STAC: variants seen among roughly 807,000 people sequenced by gnomAD.
STAC encodes the protein SH3 and cysteine rich domain.
In STAC, 43 loss-of-function variants were observed where a neutral mutation model predicts 48.8. That is an observed-to-expected ratio of 0.88 (90% CI 0.69 to 1.14). The LOEUF is 1.14. STAC is among the 50% of genes most tolerant of loss of function. STAC has a pLI of 0.00. For synonymous variants in STAC, 193 were observed against 179.5 expected, an observed-to-expected ratio of 1.07 and a Z score of -0.60; for missense variants, 497 against 504.0, an observed-to-expected ratio of 0.99 and a Z score of 0.13.
chr3:36,493,360 T>A (rs1698046358), intron 6 of STAC, 131 bp downstream of exon 6: 2 of 764,330 alleles, frequency 2.6e-6, no homozygotes, highest in East Asian at 5.6e-5. Context: ...TGTTCAATGT[T>A]CTGGAGAGAA....
chr3:36,511,507 T>C (rs1698537268), intron 8 of STAC, among the ~76,000 whole-genome samples: 1 of 152,208 alleles, frequency 6.6e-6, no homozygotes, highest in Admixed American at 6.5e-5. Flanking sequence ...AAAAGGCTAC[T>C]TTTCCAGTCA....
intron 8 of STAC, among the ~76,000 whole-genome samples, chr3:36,522,729 T>A (rs183416697): frequency 6.6e-6 from 1 of 152,302 alleles, no homozygotes; most frequent in East Asian, 1.9e-4. Context: ...TCTCAGGTTG[T>A]CTCAGATAGT....
chr3:36,477,065 A>G (rs1697511845), intron 2 of STAC, among the ~76,000 whole-genome samples: 1 of 152,232 alleles, frequency 6.6e-6, no homozygotes, highest in Non-Finnish European at 1.5e-5. Flanking sequence ...ATATTTATGG[A>G]CATTTCTATA....
chr3:36,415,431 A>G (rs1320982320), intron 1 of STAC, among the ~76,000 whole-genome samples: 1 of 152,172 alleles, frequency 6.6e-6, no homozygotes, highest in East Asian at 1.9e-4. Flanking sequence ...TGTGCTAGCA[A>G]TGAGCAAGGC....
chr3:36,461,654 AGG>A (rs1697020378), intron 2 of STAC, among the ~76,000 whole-genome samples: 1 of 152,160 alleles, frequency 6.6e-6, no homozygotes, highest in African/African-American at 2.4e-5. Flanking sequence ...GTATCACATG[AGG>A]TGGTCAGAAT....
chr3:36,504,519 C>G, intron 7 of STAC, 62 bp downstream of exon 7: 1 of 1,449,446 alleles, frequency 6.9e-7, no homozygotes, highest in Non-Finnish European at 9.7e-7. Flanking sequence ...CTGCAGGTCA[C>G]CATCCAAGTG....
At chr3:36,393,724 A>T (rs187886399) in intron 1 of STAC, among the ~76,000 whole-genome samples, 134 of 148,834 alleles carry the variant, frequency 9.0e-4, no homozygotes, top group Middle Eastern at 3.4e-3. Context: ...GCCATCCATG[A>T]ACCAGGAGGA....
intron 1 of STAC, among the ~76,000 whole-genome samples, chr3:36,401,116 A>C (rs1699991466): frequency 6.6e-6 from 1 of 152,196 alleles, no homozygotes; most frequent in South Asian, 2.1e-4. Flanking sequence ...CTCAGGAGTC[A>C]AGCCTCTAAA....
At chr3:36,452,720 G>A (rs981173205) in intron 2 of STAC, among the ~76,000 whole-genome samples, 1 of 152,202 alleles carries the variant, frequency 6.6e-6, no homozygotes, top group Non-Finnish European at 1.5e-5. Context: ...ACTGTGTGAG[G>A]GGCCCTATAC....
At chr3:36,483,114 G>A (rs1382853174) in intron 3 of STAC, 22 bp downstream of exon 3, 1 of 1,573,878 alleles carries the variant, frequency 6.4e-7, no homozygotes, top group Non-Finnish European at 8.7e-7. Context: ...TGCCAGGAGT[G>A]AGGCCCACAC....
At chr3:36,425,470 A>G (rs1700541681) in intron 1 of STAC, among the ~76,000 whole-genome samples, 1 of 152,214 alleles carries the variant, frequency 6.6e-6, no homozygotes, top group Non-Finnish European at 1.5e-5. Flanking sequence ...AGAAAGAACA[A>G]TTCATTGCAA....
In STAC at chr3:36,483,020, C is replaced by A. The variant is rs770707992; in HGVS notation, c.417C>A (p.Cys139Ter). Residue 139 changes from cysteine (C) to a stop codon, truncating the protein, a stop_gained, in exon 3 of 11, where the codon TGC becomes TGA. Transcript: ENST00000273183. LOFTEE classifies it high-confidence loss of function. ...CAAATGCTAAGCATGGACTGCGCTG[C>A]AAAGCCTGTAAGATGAGCATCCACC... ...VGTNAKHGLR[C>*]KACKMSIHHK... is the part of the protein sequence containing the mutation. 7 of 1,614,052 alleles carry A rather than the reference C, an allele frequency of 4.3e-6. No homozygotes were observed. In the South Asian group the frequency reaches 5.5e-5, roughly 13 times the overall value.
intron 1 of STAC, among the ~76,000 whole-genome samples, chr3:36,408,633 A>G (rs1321889437): frequency 6.6e-6 from 1 of 152,228 alleles, no homozygotes; most frequent in African/African-American, 2.4e-5. Flanking sequence ...ATTAGAACAC[A>G]TACAAGAGAA....
chr3:36,423,234 C>A (rs1700487109), intron 1 of STAC, among the ~76,000 whole-genome samples: 1 of 151,950 alleles, frequency 6.6e-6, no homozygotes, highest in Non-Finnish European at 1.5e-5. Flanking sequence ...TCACTGTATT[C>A]CATTAGCAAA....
intron 8 of STAC, among the ~76,000 whole-genome samples, chr3:36,526,652 T>C (rs144453528): frequency 1.1e-3 from 175 of 152,278 alleles, no homozygotes; most frequent in African/African-American, 3.6e-3. Context: ...ACTGTATTCA[T>C]AGCACCGCAT....
chr3:36,423,716 T>C (rs572838487), intron 1 of STAC, among the ~76,000 whole-genome samples: 22 of 152,260 alleles, frequency 1.4e-4, no homozygotes, highest in African/African-American at 5.3e-4. Context: ...TGTGTATCAT[T>C]ATTAATATTA....
At chr3:36,530,511 G>A (rs1234300899) in intron 10 of STAC, among the ~76,000 whole-genome samples, 3 of 149,762 alleles carry the variant, frequency 2.0e-5, no homozygotes, top group Non-Finnish European at 3.0e-5. Flanking sequence ...TAGTCCACAT[G>A]TAGCTTTAAC....
intron 1 of STAC, among the ~76,000 whole-genome samples, chr3:36,387,941 G>T (rs1699656579): frequency 6.6e-6 from 1 of 152,022 alleles, no homozygotes; most frequent in South Asian, 2.1e-4. Flanking sequence ...CACAGTTTTG[G>T]ATTCTGACGA....
chr3:36,415,235 G>C (rs1314903595), intron 1 of STAC, among the ~76,000 whole-genome samples: 1 of 152,226 alleles, frequency 6.6e-6, no homozygotes, highest in Non-Finnish European at 1.5e-5. Context: ...GGTTTCTGCT[G>C]CCTTTTTTTC....
Sources: allele counts gnomAD v4.1 joint callset (sites outside exome capture counted in the v4.1 genomes callset), GRCh38; gene constraint gnomAD v4.1.1; transcripts MANE v1.5; gene names NCBI Gene and HGNC (gene_info 2026-07-23, HGNC 2026-07-21).